ANK1: variants seen among roughly 807,000 people sequenced by gnomAD.
The protein encoded by ANK1 is ankyrin 1.
Under a neutral mutation model 210.4 loss-of-function variants are expected in ANK1, and 51 were observed. That is an observed-to-expected ratio of 0.24 (90% CI 0.19 to 0.31). The LOEUF (loss-of-function observed/expected upper bound fraction) is 0.31, where lower values mean the gene tolerates loss of function less well. Among genes scored for constraint, ANK1 ranks in the 10% least tolerant of loss-of-function variants. The pLI is 1.00. For synonymous variants in ANK1, 967 were observed against 1,025.9 expected (o/e 0.94, Z 1.10); for missense variants, 2,051 against 2,504.4 (o/e 0.82, Z 3.86).
At chr8:41,674,309 ACACACACTCACACACTCTCTCTCACC>A (rs1813470912) in intron 37 of ANK1, among the ~76,000 whole-genome samples, 1 of 152,232 alleles carries the variant, frequency 6.6e-6, no homozygotes, top group Non-Finnish European at 1.5e-5. Context: ...ACATGCACAC[ACACACACTCACACACTCTCTCTCACC>A]CACACACTCA....
chr8:41,684,731 T>C (rs368505002), intron 36 of ANK1, 41 bp from the exon 37 acceptor site: 2 of 1,601,392 alleles, frequency 1.2e-6, no homozygotes, highest in Admixed American at 1.7e-5. Context: ...TCCAGGCCGG[T>C]GAGCGAGGAT....
At chr8:41,888,834 G>A (rs955730872) in intron 1 of ANK1, among the ~76,000 whole-genome samples, 1 of 152,138 alleles carries the variant, frequency 6.6e-6, no homozygotes, top group Non-Finnish European at 1.5e-5. Flanking sequence ...CGGCGACGGA[G>A]TCCTCAGCTC....
intron 1 of ANK1, among the ~76,000 whole-genome samples, chr8:41,763,091 C>T (rs1322872030): frequency 6.6e-6 from 1 of 151,916 alleles, no homozygotes; most frequent in Non-Finnish European, 1.5e-5. Context: ...TGGTGCATGC[C>T]TGTAATCCCA....
rs567482659 is a variant in ANK1, at chr8:41,679,169, T to C, written c.4537+5375A>G. Reference sequence around the variant, plus strand: ...TTTCTCCGCATTATGGATCCTGTTTTCCTGCCTCTTTGTGTGTCTGATTAC... The same window carrying C: ...TTTCTCCGCATTATGGATCCTGTTTCCCTGCCTCTTTGTGTGTCTGATTAC... On this transcript the variant is annotated intron_variant, in intron 37 of 42. Coordinates refer to ENST00000289734, the MANE Select transcript of ANK1 (RefSeq NM_000037.4). Among the ~76,000 whole-genome samples, 5 of 152,376 alleles carry C rather than the reference T, an allele frequency of 3.3e-5. No individual in the cohort carries two copies. The South Asian group carries it at 1.0e-3, about 32-fold the overall frequency.
At chr8:41,785,567 C>T (rs187979715) in intron 1 of ANK1, among the ~76,000 whole-genome samples, 18 of 152,230 alleles carry the variant, frequency 1.2e-4, no homozygotes, top group Admixed American at 3.9e-4. Flanking sequence ...GGATGAAATG[C>T]GCTCCTGCCT....
At position 41,854,729 on chromosome 8, in the gene ANK1, C is replaced by T. The variant is rs143600792; in HGVS notation, c.126+41626G>A. 3.9e-5 allele frequency among the ~76,000 whole-genome samples: 6 copies of T among 152,232 alleles called. No homozygotes were observed. The East Asian group carries it at 1.2e-3, about 29-fold the overall frequency. ...CCAACAGAGGAGGGTGACTTCAGGC[C>T]AGGAGTTTGAGACTGGCCTGGGCAA... On this transcript the variant is annotated intron_variant, in intron 1 of 42. Transcript: ENST00000265709.
At chr8:41,719,929 C>T (rs1828814276) in intron 9 of ANK1, 71 bp from the exon 10 acceptor site, 11 of 1,521,382 alleles carry the variant, frequency 7.2e-6, no homozygotes, top group Non-Finnish European at 8.2e-6. Flanking sequence ...CAGGACGATT[C>T]CAACGTCACT....
In ANK1 at chr8:41,725,814, G is replaced by C. The variant is rs751082142; in HGVS notation, c.559C>G (p.Arg187Gly). The part of the protein sequence containing the change: ...LHIAARNDDT[R>G]TAAVLLQNDP... Reference sequence around the variant, plus strand: ...TTCTGCAGCAGCACCGCAGCCGTGCGCGTGTCGTCGTTGCGGGCCGCGATG... The same window carrying C: ...TTCTGCAGCAGCACCGCAGCCGTGCCCGTGTCGTCGTTGCGGGCCGCGATG... The change falls in exon 6 of 43, where the codon CGC (arginine) becomes GGC (glycine). Residue 187 changes from arginine (R) to glycine (G), a missense_variant. Arg to Gly is a moderately radical substitution (Grantham distance 125). This residue lies in a region of ANK1 where 1,413 missense variants were observed against 1,707.4 expected (regional missense o/e 0.83). Coordinates refer to ENST00000289734, the MANE Select transcript of ANK1 (RefSeq NM_000037.4). 1.9e-6 allele frequency: 3 copies of C among 1,611,934 alleles called. No homozygotes were observed. In the African/African-American group the frequency reaches 4.0e-5, roughly 22 times the overall value.
At chr8:41,661,601 C>T (rs781470445) in intron 41 of ANK1, 37 bp from the exon 42 acceptor site, 49 of 1,612,628 alleles carry the variant, frequency 3.0e-5, no homozygotes, top group African/African-American at 1.2e-4. Context: ...CAGGACAGAT[C>T]GCAAAGACGG....
At chr8:41,738,428 C>T (rs1248160753) in intron 2 of ANK1, among the ~76,000 whole-genome samples, 1 of 152,198 alleles carries the variant, frequency 6.6e-6, no homozygotes, top group Non-Finnish European at 1.5e-5. Flanking sequence ...AGTTGCTGAA[C>T]ACCTGAAAAC....
At chr8:41,725,632 G>A (rs1830484725) in intron 6 of ANK1, 129 bp downstream of exon 6, 3 of 1,291,588 alleles carry the variant, frequency 2.3e-6, no homozygotes, top group Admixed American at 4.2e-5. Flanking sequence ...CTGGGGTGAG[G>A]GCGCTCAGTG....
chr8:41,715,931 G>T (rs1827546377), intron 13 of ANK1, 82 bp from the exon 14 acceptor site: 2 of 1,550,252 alleles, frequency 1.3e-6, no homozygotes. Context: ...AAGCAAGGCA[G>T]GGCCCAGAGA....
chr8:41,740,159 T>C (rs1834405471), intron 2 of ANK1, among the ~76,000 whole-genome samples: 1 of 88,618 alleles, frequency 1.1e-5, no homozygotes, highest in Admixed American at 1.5e-4. Flanking sequence ...GTGTTTGTTT[T>C]TGATTTTTTT....
intron 2 of ANK1, among the ~76,000 whole-genome samples, chr8:41,740,005 T>C (rs1388990367): frequency 6.6e-6 from 1 of 152,056 alleles, no homozygotes; most frequent in Non-Finnish European, 1.5e-5. Context: ...TCTGTACATC[T>C]GGCCCTCTAA....
At chr8:41,833,151 C>T (rs757239751) in intron 1 of ANK1, among the ~76,000 whole-genome samples, 2 of 152,232 alleles carry the variant, frequency 1.3e-5, no homozygotes, top group African/African-American at 4.8e-5. Flanking sequence ...CTGTGTGGAG[C>T]GAGGCCCCAG....
At chr8:41,760,066 C>T (rs1056266683) in intron 1 of ANK1, among the ~76,000 whole-genome samples, 2 of 152,328 alleles carry the variant, frequency 1.3e-5, no homozygotes, top group South Asian at 2.1e-4. Flanking sequence ...GCTGCTGCTA[C>T]GTCACCCACC....
intron 1 of ANK1, among the ~76,000 whole-genome samples, chr8:41,793,389 A>C (rs765713554): frequency 5.9e-5 from 9 of 151,906 alleles, no homozygotes; most frequent in Non-Finnish European, 1.3e-4. Context: ...CAAACAAACA[A>C]ACAATAAAAA....
intron 1 of ANK1, among the ~76,000 whole-genome samples, chr8:41,826,489 C>G (rs1352560825): frequency 6.6e-6 from 1 of 152,202 alleles, no homozygotes; most frequent in Non-Finnish European, 1.5e-5. Flanking sequence ...GCCTGGGCCT[C>G]TGGATTCCCC....
At chr8:41,752,805 C>CCG (rs1554597045) in intron 2 of ANK1, among the ~76,000 whole-genome samples, 9 of 151,632 alleles carry the variant, frequency 5.9e-5, no homozygotes, top group African/African-American at 1.9e-4. Flanking sequence ...CAGGCCCCCC[C>CCG]CCACTGCACC....
Sources: allele counts gnomAD v4.1 joint callset (sites outside exome capture counted in the v4.1 genomes callset), GRCh38; gene constraint gnomAD v4.1.1; regional missense constraint gnomAD v4.1.1; transcripts MANE v1.5; gene names NCBI Gene and HGNC (gene_info 2026-07-23, HGNC 2026-07-21).